MACROD2: variants seen among roughly 807,000 people sequenced by gnomAD.
MACROD2 encodes ADP-ribose glycohydrolase MACROD2.
Under a neutral mutation model 70.4 loss-of-function variants are expected in MACROD2, and 36 were observed. That is an observed-to-expected ratio of 0.51 (90% CI 0.39 to 0.68). The LOEUF (loss-of-function observed/expected upper bound fraction) is 0.68. Among genes scored for constraint, MACROD2 ranks in the 30% least tolerant of loss-of-function variants. The probability of loss-of-function intolerance (pLI) is 0.00; values close to 1 mark genes in which losing one functional copy is unlikely to be tolerated. For synonymous variants in MACROD2, 172 were observed against 178.8 expected (o/e 0.96, Z 0.30); for missense variants, 496 against 538.4 (o/e 0.92, Z 0.78).
chr20:14,152,042 C>T (rs1407686165), intron 3 of MACROD2, among the ~76,000 whole-genome samples: 2 of 151,692 alleles, frequency 1.3e-5, no homozygotes, highest in Admixed American at 6.6e-5. Context: ...AGGATGGTCT[C>T]GATCTCCTGA....
At chr20:15,639,785 G>T (rs558752497) in intron 8 of MACROD2, among the ~76,000 whole-genome samples, 13 of 152,192 alleles carry the variant, frequency 8.5e-5, no homozygotes, top group African/African-American at 2.9e-4. Flanking sequence ...TTGGGATATA[G>T]ACCATGAGAA....
rs552636646 is a variant in MACROD2, at chr20:14,058,897, C to G, written c.164-26724C>G. On this transcript the variant is annotated intron_variant, in intron 2 of 17. Transcript: ENST00000684519. ...GACCTCATGATCCGCCCATCTCAGC[C>G]TCCCAAAGTGCTGGGATTACAGGCT... Among the ~76,000 whole-genome samples the G allele has an allele frequency of 2.8e-4, 43 of 152,268 alleles. No homozygotes were observed. In the South Asian group the frequency reaches 8.7e-3, roughly 31 times the overall value.
chr20:14,492,204 T>C (rs536589145), intron 3 of MACROD2, among the ~76,000 whole-genome samples: 3 of 152,304 alleles, frequency 2.0e-5, no homozygotes, highest in African/African-American at 7.2e-5. Flanking sequence ...ACCTGAGTGA[T>C]ACTTATGACA....
chr20:15,002,370 A>T lies in MACROD2; in HGVS notation c.419-227570A>T, dbSNP rs148897199. On this transcript the variant is annotated intron_variant, in intron 5 of 17. Transcript: ENST00000684519. ...ATTTGCATTTCCCTGATCATTCATG[A>T]TGTTGAGCATTTTTCATATCTTTTT... 5.9e-5 allele frequency among the ~76,000 whole-genome samples: 9 copies of T among 152,116 alleles called. 1 individual carries two copies. The highest frequency in any genetic ancestry group is 2.2e-4 in the African/African-American group (9 of 41,508).
chr20:14,049,177 A>AC (rs1569134302), intron 2 of MACROD2, among the ~76,000 whole-genome samples: 4 of 90,306 alleles, frequency 4.4e-5, no homozygotes, highest in African/African-American at 1.3e-4. Context: ...TATTTAATAA[A>AC]AAAAAAAAAA....
intron 5 of MACROD2, among the ~76,000 whole-genome samples, chr20:15,206,897 C>T (rs564828525): frequency 1.3e-4 from 20 of 150,388 alleles, no homozygotes; most frequent in African/African-American, 3.4e-4. Flanking sequence ...CCACCGCGCC[C>T]GGCTAATTTT....
intron 4 of MACROD2, among the ~76,000 whole-genome samples, chr20:14,529,657 A>G (rs2085278361): frequency 6.6e-6 from 1 of 152,220 alleles, no homozygotes; most frequent in African/African-American, 2.4e-5. Context: ...ATCAAGGTTT[A>G]TTCCCTAGAA....
At chr20:15,098,063 T>C (rs1482193943) in intron 5 of MACROD2, among the ~76,000 whole-genome samples, 1 of 152,130 alleles carries the variant, frequency 6.6e-6, no homozygotes, top group African/African-American at 2.4e-5. Flanking sequence ...TTAAACACTG[T>C]TCTACAGCAG....
At chr20:15,910,242 A>G (rs572083258) in intron 10 of MACROD2, among the ~76,000 whole-genome samples, 11 of 152,302 alleles carry the variant, frequency 7.2e-5, no homozygotes, top group Admixed American at 2.0e-4. Context: ...ATGCAGCTCC[A>G]CTAAATCAAG....
intron 5 of MACROD2, among the ~76,000 whole-genome samples, chr20:14,829,179 G>A (rs1367041908): frequency 2.0e-5 from 3 of 147,126 alleles, no homozygotes; most frequent in Admixed American, 2.0e-4. Context: ...GCCCAGGCTG[G>A]AGTACAGTGG....
intron 6 of MACROD2, among the ~76,000 whole-genome samples, chr20:15,422,697 A>G (rs1278083053): frequency 6.6e-6 from 1 of 152,184 alleles, no homozygotes; most frequent in East Asian, 1.9e-4. Flanking sequence ...GGCATTCAGG[A>G]TACTATAAAA....
At chr20:14,539,971 A>AT (rs1386796213) in intron 4 of MACROD2, among the ~76,000 whole-genome samples, 1 of 152,150 alleles carries the variant, frequency 6.6e-6, no homozygotes, top group East Asian at 1.9e-4. Context: ...GATCTTTTAC[A>AT]TTTTGAGACC....
Position 14,653,408 on chromosome 20 carries a change from C to G in MACROD2, c.302-31435C>G, listed in dbSNP as rs1016919188. 2.0e-3 allele frequency among the ~76,000 whole-genome samples: 296 copies of G among 151,690 alleles called. 4 individuals are homozygous for G. The highest frequency in any genetic ancestry group is 2.4e-4 in the Non-Finnish European group (16 of 67,880). The stretch of plus-strand genomic sequence containing the variant: ...TAATTTTTTGTATTTTTAGTAGAGA[C>G]GGAGTTTCACCATGTTAGCCAGGAT... On this transcript the variant is annotated intron_variant, in intron 4 of 17. Coordinates refer to ENST00000684519, the MANE Select transcript of MACROD2 (RefSeq NM_001351661.2).
chr20:14,445,616 C>A (rs2084174245), intron 3 of MACROD2, among the ~76,000 whole-genome samples: 1 of 151,992 alleles, frequency 6.6e-6, no homozygotes, highest in African/African-American at 2.4e-5. Flanking sequence ...CTGTGCTGGA[C>A]TAGGTCTGGA....
intron 2 of MACROD2, among the ~76,000 whole-genome samples, chr20:14,080,001 G>C (rs1159523274): frequency 6.6e-6 from 1 of 152,100 alleles, no homozygotes; most frequent in East Asian, 1.9e-4. Flanking sequence ...CCTTATAGGT[G>C]GGTAAGGAAG....
At chr20:15,313,131 T>C (rs187491544) in intron 6 of MACROD2, among the ~76,000 whole-genome samples, 325 of 152,298 alleles carry the variant, frequency 2.1e-3, no homozygotes, top group African/African-American at 7.5e-3. Flanking sequence ...TTCTCCTTAA[T>C]ATATCAGTCA....
intron 15 of MACROD2, among the ~76,000 whole-genome samples, chr20:16,002,014 T>C (rs1369947830): frequency 6.6e-6 from 1 of 150,990 alleles, no homozygotes; most frequent in East Asian, 1.9e-4. Flanking sequence ...CTAGACAAGA[T>C]AAATATAGTT....
intron 5 of MACROD2, chr20:14,757,675 T>C: frequency 7.4e-7 from 1 of 1,358,654 alleles, no homozygotes; most frequent in Non-Finnish European, 1.1e-6. Flanking sequence ...CAGACAAGAA[T>C]GTGTCCAACC....
chr20:14,384,732 A>G (rs2083453931), intron 3 of MACROD2, among the ~76,000 whole-genome samples: 1 of 152,034 alleles, frequency 6.6e-6, no homozygotes, highest in African/African-American at 2.4e-5. Context: ...TTTACATACT[A>G]GTAATTCTTG....
Sources: gnomAD v4.1 joint callset for allele counts (sites outside exome capture counted in the v4.1 genomes callset) on GRCh38, gnomAD v4.1.1 for gene constraint, MANE v1.5 for transcripts, NCBI Gene and HGNC (gene_info 2026-07-23, HGNC 2026-07-21) for gene names.